AGO2: variants seen among roughly 807,000 people sequenced by gnomAD.
AGO2 encodes argonaute RISC catalytic component 2, also known as protein argonaute-2.
A neutral mutation model predicts 102.3 loss-of-function variants in AGO2; 5 were observed. The ratio of observed to expected loss-of-function variants is 0.05; its 90% CI spans 0.03 to 0.10. AGO2 has a LOEUF of 0.10. Ranked by LOEUF, AGO2 falls within the 10% of genes least tolerant of loss-of-function variation. The probability of loss-of-function intolerance (pLI) is 1.00; values close to 1 mark genes in which losing one functional copy is unlikely to be tolerated. For missense variants in AGO2, 541 were observed against 1,183.7 expected (o/e 0.46, Z 7.97); for synonymous variants, 449 against 473.1 (o/e 0.95, Z 0.66).
chr8:140,557,248 AG>A lies in AGO2; in HGVS notation c.879-13del. 2 of 1,610,642 alleles carry A rather than the reference AG, an allele frequency of 1.2e-6. No homozygotes were observed. Among genetic ancestry groups the A allele is most frequent in the Non-Finnish European group, 1.7e-6 (2 of 1,178,088 alleles). ...GCTGCAGCGGGAATCTGAGGAGCAA[AG>A]GGGCTGTTCAGGCCGAGGGCATCCC... On this transcript the variant is annotated splice_polypyrimidine_tract_variant and intron_variant, in intron 7 of 18. Coordinates refer to ENST00000220592, the MANE Select transcript of AGO2 (RefSeq NM_012154.5). The surrounding 1 kb of genome is among the most constrained non-coding windows in gnomAD (Gnocchi z 5.9).
chr8:140,561,384 A>G (rs1273135766), intron 4 of AGO2, among the ~76,000 whole-genome samples: 1 of 152,256 alleles, frequency 6.6e-6, no homozygotes, highest in African/African-American at 2.4e-5. Context: ...TCCCAGAATG[A>G]AAACAGCAGT....
chr8:140,641,525 C>G, the AGO2 span, among the ~76,000 whole-genome samples: 1 of 152,112 alleles, frequency 6.6e-6, no homozygotes, highest in Non-Finnish European at 1.5e-5. Context: ...AAGATTTTGG[C>G]TGTAAGACCA....
intron 11 of AGO2, among the ~76,000 whole-genome samples, chr8:140,550,419 G>A (rs993637703): frequency 6.6e-6 from 1 of 152,220 alleles, no homozygotes; most frequent in Non-Finnish European, 1.5e-5. Flanking sequence ...GCCCGTACCT[G>A]GCACGGCTGT....
At chr8:140,628,070 T>G (rs1382936126) in intron 1 of AGO2, among the ~76,000 whole-genome samples, 3 of 152,226 alleles carry the variant, frequency 2.0e-5, no homozygotes, top group Non-Finnish European at 4.4e-5. Flanking sequence ...CCTGGCCTAA[T>G]GGGCAATCAC....
rs2073220388 is a variant in AGO2 at position 140,562,564 on chromosome 8, G to A, written c.407C>T (p.Ser136Phe). 2 of 1,614,000 alleles carry A rather than the reference G, an allele frequency of 1.2e-6. No homozygotes were observed. The highest frequency in any genetic ancestry group is 1.3e-5 in the African/African-American group (1 of 74,930). Reference sequence around the variant, plus strand: ...GTGTAACGCCTGCAAGCTCACGCAGGACACCCACTTGATGGACACCTTGAA... The same window carrying A: ...GTGTAACGCCTGCAAGCTCACGCAGAACACCCACTTGATGGACACCTTGAA... ...RIFKVSIKWV[S>F]CVSLQALHDA... Residue 136 changes from serine to phenylalanine, a missense_variant, in exon 4 of 19, where the codon TCC becomes TTC. Ser to Phe is a radical substitution (Grantham distance 155). Transcript: ENST00000220592.
upstream of AGO2, among the ~76,000 whole-genome samples, chr8:140,636,032 G>A (rs1179460561): frequency 1.3e-5 from 2 of 151,186 alleles, no homozygotes; most frequent in African/African-American, 4.8e-5. Context: ...CGGAGCCGGA[G>A]GGGAGGCCAC....
In AGO2 at chr8:140,566,845, G is replaced by T. The variant is rs536352917; in HGVS notation, c.337-4211C>A. Among the ~76,000 whole-genome samples the T allele has an allele frequency of 2.0e-5, 3 of 152,322 alleles. No homozygotes were observed. In the East Asian group the frequency reaches 5.8e-4, roughly 29 times the overall value. ...CAGCTACTGGGTCCCAACAGGAGTA[G>T]CCGGTCGCTGAGAAGGGAGTGCCAT... On this transcript the variant is annotated intron_variant, in intron 3 of 18. Coordinates refer to ENST00000220592, the MANE Select transcript of AGO2 (RefSeq NM_012154.5).
intron 2 of AGO2, among the ~76,000 whole-genome samples, chr8:140,576,524 C>T (rs1216500197): frequency 2.0e-5 from 3 of 152,062 alleles, no homozygotes; most frequent in East Asian, 1.9e-4. Flanking sequence ...CGGGTAAGCA[C>T]ATCAAAGGGT....
At chr8:140,606,498 AGCATT>A (rs1588501074) in intron 1 of AGO2, among the ~76,000 whole-genome samples, 1 of 152,250 alleles carries the variant, frequency 6.6e-6, no homozygotes, top group African/African-American at 2.4e-5. Flanking sequence ...ACCTCTCCAC[AGCATT>A]AAGGACTCAC....
chr8:140,611,472 C>A (rs145048493), intron 1 of AGO2, among the ~76,000 whole-genome samples: 1 of 151,974 alleles, frequency 6.6e-6, no homozygotes, highest in Non-Finnish European at 1.5e-5. Flanking sequence ...GGATTACAGG[C>A]GCCCACCACC....
At chr8:140,566,103 T>C (rs2073279629) in intron 3 of AGO2, among the ~76,000 whole-genome samples, 1 of 152,192 alleles carries the variant, frequency 6.6e-6, no homozygotes, top group Non-Finnish European at 1.5e-5. Context: ...TGTTTGGCTA[T>C]GTCCCCACCC....
intron 14 of AGO2, 59 bp from the exon 15 acceptor site, chr8:140,541,417 T>A: frequency 6.8e-7 from 1 of 1,468,196 alleles, no homozygotes; most frequent in East Asian, 2.3e-5. Flanking sequence ...TTCCTGGGCA[T>A]GTGCCTGGAC....
chr8:140,597,277 C>T lies in AGO2; in HGVS notation c.23-11966G>A, dbSNP rs182534002. On this transcript the variant is annotated intron_variant, in intron 1 of 18. Coordinates refer to ENST00000220592, the MANE Select transcript of AGO2 (RefSeq NM_012154.5). ...TTACATACACCCTTTCCGGCAAGCA[C>T]AGCCAGGGATTCCAATTCCCAGAGC... 2.1e-3 allele frequency among the ~76,000 whole-genome samples: 317 copies of T among 152,364 alleles called. 1 individual carries two copies. The highest frequency in any genetic ancestry group is 3.4e-3 in the Middle Eastern group (1 of 294).
intron 13 of AGO2, 57 bp downstream of exon 13, chr8:140,547,411 G>A: frequency 6.3e-7 from 1 of 1,583,162 alleles, no homozygotes; most frequent in Non-Finnish European, 8.6e-7. Flanking sequence ...ACCCCACCCT[G>A]CCAAGCGTCC....
rs1021128787 is a variant in AGO2 at position 140,543,270 on chromosome 8, C to T, written c.1839+943G>A. Among the ~76,000 whole-genome samples the T allele has an allele frequency of 7.2e-5, 11 of 152,122 alleles. No homozygotes were observed. In the South Asian group the frequency reaches 1.7e-3, roughly 23 times the overall value. On this transcript the variant is annotated intron_variant, in intron 14 of 18. Transcript: ENST00000220592. ...GTGGGAGTGGTGGGGTTGTGATTATCGGGCCAAGTGGCAAGAATTAGTTGA... is the reference window on the plus strand; with the variant it reads ...GTGGGAGTGGTGGGGTTGTGATTATTGGGCCAAGTGGCAAGAATTAGTTGA...
intron 18 of AGO2, 98 bp from the exon 19 acceptor site, chr8:140,532,250 T>C (rs1460467103): frequency 7.0e-7 from 1 of 1,419,338 alleles, no homozygotes; most frequent in Non-Finnish European, 9.8e-7. Context: ...GGCGGGAACC[T>C]GGGAGAGGGA....
chr8:140,591,244 C>G (rs1229666848), intron 1 of AGO2, among the ~76,000 whole-genome samples: 1 of 152,242 alleles, frequency 6.6e-6, no homozygotes, highest in African/African-American at 2.4e-5. Context: ...GCATTTCCAA[C>G]CTGTCTCAGC....
At chr8:140,555,253 G>A (rs1283099314) in intron 10 of AGO2, among the ~76,000 whole-genome samples, 3 of 152,154 alleles carry the variant, frequency 2.0e-5, no homozygotes, top group Non-Finnish European at 4.4e-5. Flanking sequence ...TGGTATGCAA[G>A]CGAGCCCAGG....
In AGO2 at chr8:140,544,138, C is replaced by T. The variant is rs539501065; in HGVS notation, c.1839+75G>A. 775 of 1,457,286 alleles carry T rather than the reference C, an allele frequency of 5.3e-4. 3 individuals are homozygous for T. Among genetic ancestry groups the T allele is most frequent in the Non-Finnish European group, 3.3e-4 (365 of 1,097,830 alleles). 90.3% of individuals were successfully genotyped at this position (1,457,286 alleles called of 1,614,324 possible). On this transcript the variant is annotated intron_variant, in intron 14 of 18. Transcript: ENST00000220592. ...GCCTTTCAGGAAGGACCCCTGGCCA[C>T]GCTGTGACAGTGGGACTTCGACAGC...
Sources: gnomAD v4.1 joint callset for allele counts (sites outside exome capture counted in the v4.1 genomes callset) on GRCh38, gnomAD v4.1.1 for gene constraint, Gnocchi (gnomAD v3.1) non-coding constraint, MANE v1.5 for transcripts, NCBI Gene and HGNC (gene_info 2026-07-23, HGNC 2026-07-21) for gene names.